DCDC2C: variants seen among roughly 807,000 people sequenced by gnomAD.
DCDC2C encodes the protein doublecortin domain-containing protein 2C.
A neutral mutation model predicts 45.0 loss-of-function variants in DCDC2C; 44 were observed. The ratio of observed to expected loss-of-function variants is 0.98; its 90% CI spans 0.77 to 1.26. The LOEUF (loss-of-function observed/expected upper bound fraction) is 1.26, where lower values mean the gene tolerates loss of function less well. Among genes scored for constraint, DCDC2C ranks in the 50% most tolerant of loss-of-function variants. The pLI, the probability that DCDC2C is intolerant of heterozygous loss-of-function variation, is 0.00. For synonymous variants in DCDC2C, 187 were observed against 178.8 expected (o/e 1.05, Z -0.37); for missense variants, 447 against 468.9 (o/e 0.95, Z 0.43).
intron 4 of DCDC2C, among the ~76,000 whole-genome samples, chr2:3,749,530 AT>A (rs1054704144): frequency 6.6e-6 from 1 of 152,158 alleles, no homozygotes; most frequent in African/African-American, 2.4e-5. Context: ...TTCCTGTCTT[AT>A]CCCACTGAGG....
At chr2:3,776,807 G>A (rs1267704657) in intron 8 of DCDC2C, among the ~76,000 whole-genome samples, 1 of 152,192 alleles carries the variant, frequency 6.6e-6, no homozygotes, top group Non-Finnish European at 1.5e-5. Flanking sequence ...TCAGCAGAGT[G>A]AGAATGCAAC....
chr2:3,772,808 G>A (rs772579679), intron 8 of DCDC2C, among the ~76,000 whole-genome samples: 2 of 152,168 alleles, frequency 1.3e-5, no homozygotes, highest in Non-Finnish European at 2.9e-5. Context: ...ACGGACACAG[G>A]GCTTTCTGCA....
In DCDC2C at chr2:3,767,768, A is replaced by G. The variant is rs1166155064; in HGVS notation, c.741A>G (p.Gly247=). Residue 247 remains glycine, a synonymous_variant, in exon 7 of 11, where the codon GGA becomes GGG. Transcript: ENST00000399143. ...SQRKKKVDSK[G]KEPCKYDGIP... is the part of the protein sequence containing the mutation. ...TTGTCCTGTAGGTGGACTCCAAAGG[A>G]AAAGAACCTTGTAAATATGATGGCA... 7 of 1,550,752 alleles carry G rather than the reference A, an allele frequency of 4.5e-6. No individual in the cohort carries two copies. The highest frequency in any genetic ancestry group is 6.1e-6 in the Non-Finnish European group (7 of 1,146,982).
At chr2:3,794,363 AAT>A (rs1670900201) in intron 10 of DCDC2C, among the ~76,000 whole-genome samples, 1 of 151,930 alleles carries the variant, frequency 6.6e-6, no homozygotes, top group Admixed American at 6.5e-5. Flanking sequence ...ATTATTTTTA[AAT>A]TTATTTATTA....
intron 1 of DCDC2C, among the ~76,000 whole-genome samples, chr2:3,704,905 C>T (rs1227589244): frequency 1.3e-5 from 2 of 152,156 alleles, no homozygotes; most frequent in Admixed American, 1.3e-4. Context: ...CCCATTATTG[C>T]AGCCTGTGTC....
At chr2:3,767,702 C>T (rs774572132) in intron 6 of DCDC2C, 52 bp from the exon 7 acceptor site, 94 of 1,544,380 alleles carry the variant, frequency 6.1e-5, no homozygotes, top group Non-Finnish European at 8.0e-5. Flanking sequence ...TGATCGGACT[C>T]CTTGTATCCC....
chr2:3,731,247 T>C (rs1321247515), intron 3 of DCDC2C, among the ~76,000 whole-genome samples: 1 of 152,182 alleles, frequency 6.6e-6, no homozygotes, highest in African/African-American at 2.4e-5. Context: ...CAGAACCCAC[T>C]TAAGACGGCT....
At chr2:3,832,166 A>G (rs1334003177) in intron 10 of DCDC2C, among the ~76,000 whole-genome samples, 4 of 152,194 alleles carry the variant, frequency 2.6e-5, no homozygotes, top group African/African-American at 9.7e-5. Flanking sequence ...CCAACACTAA[A>G]TGGTTTCAGA....
intron 4 of DCDC2C, among the ~76,000 whole-genome samples, chr2:3,751,558 C>A (rs1012774950): frequency 6.6e-6 from 1 of 152,240 alleles, no homozygotes; most frequent in Non-Finnish European, 1.5e-5. Context: ...CACACACAGG[C>A]CTTATCCAGG....
chr2:3,743,687 T>C (rs1572578237), intron 4 of DCDC2C, among the ~76,000 whole-genome samples: 1 of 152,126 alleles, frequency 6.6e-6, no homozygotes, highest in Admixed American at 6.6e-5. Flanking sequence ...AATAAAAAAA[T>C]ATCTTGAGAG....
At chr2:3,751,348 G>T (rs1669535926) in intron 4 of DCDC2C, among the ~76,000 whole-genome samples, 1 of 152,236 alleles carries the variant, frequency 6.6e-6, no homozygotes, top group African/African-American at 2.4e-5. Context: ...GCCCCAGCGG[G>T]AGGAGAACAG....
chr2:3,704,026 T>A lies in DCDC2C; in HGVS notation c.275T>A (p.Phe92Tyr), dbSNP rs1667955274. ...TACGTGGCGGCGGGCCGCGAGCGCT[T>A]CAAGGAGCTCGAGTAAGTGCGCCCG... is the stretch of plus-strand genomic sequence containing the variant. ...GKYVAAGRER[F>Y]KELDYIHIVP... The change falls in exon 1 of 11, where the codon TTC becomes TAC. Residue 92 changes from phenylalanine to tyrosine, a missense_variant. Physicochemically the swap from Phe to Tyr is conservative, Grantham distance 22 (BLOSUM62 3). Coordinates refer to ENST00000399143, the MANE Select transcript of DCDC2C (RefSeq NM_001287444.2). The A allele has an allele frequency of 7.8e-7, 1 of 1,274,040 alleles. No homozygotes were observed. The highest frequency in any genetic ancestry group is 3.2e-5 in the East Asian group (1 of 31,674). 78.9% of individuals were successfully genotyped at this position (1,274,040 alleles called of 1,614,324 possible). A position where few individuals can be genotyped will look rare whatever the true frequency, so the allele number is the denominator to read the frequency against.
intron 3 of DCDC2C, among the ~76,000 whole-genome samples, chr2:3,735,862 T>A (rs2148094579): frequency 6.6e-6 from 1 of 152,268 alleles, no homozygotes; most frequent in East Asian, 1.9e-4. Context: ...TGATATATGT[T>A]TTTTCCATTT....
intron 9 of DCDC2C, among the ~76,000 whole-genome samples, chr2:3,780,651 G>A (rs1326318639): frequency 6.6e-6 from 1 of 152,146 alleles, no homozygotes; most frequent in Non-Finnish European, 1.5e-5. Flanking sequence ...GGAGGGCTGG[G>A]GAGCAAACGA....
chr2:3,753,505 G>A (rs1227783429), intron 5 of DCDC2C, among the ~76,000 whole-genome samples: 12 of 152,140 alleles, frequency 7.9e-5, no homozygotes, highest in East Asian at 1.9e-4. Flanking sequence ...AATGCATTTC[G>A]TGTAGGACAT....
At chr2:3,769,953 G>A (rs1458338918) in intron 8 of DCDC2C, among the ~76,000 whole-genome samples, 1 of 152,178 alleles carries the variant, frequency 6.6e-6, no homozygotes, top group African/African-American at 2.4e-5. Flanking sequence ...GTGCATGGTG[G>A]ATGCTGGGAC....
chr2:3,744,822 G>A (rs376017668), intron 4 of DCDC2C, among the ~76,000 whole-genome samples: 11 of 152,188 alleles, frequency 7.2e-5, no homozygotes, highest in Admixed American at 6.5e-4. Flanking sequence ...GCAGGTGGAA[G>A]TTAGATGTTT....
At chr2:3,819,714 A>G (rs1381662006) in intron 10 of DCDC2C, among the ~76,000 whole-genome samples, 1 of 152,194 alleles carries the variant, frequency 6.6e-6, no homozygotes, top group African/African-American at 2.4e-5. Flanking sequence ...TTTATATTTG[A>G]TGAAAAAGAG....
At chr2:3,717,983 C>G (rs1477498342) in intron 2 of DCDC2C, among the ~76,000 whole-genome samples, 1 of 152,214 alleles carries the variant, frequency 6.6e-6, no homozygotes, top group Admixed American at 6.5e-5. Flanking sequence ...CTCTCCCATG[C>G]TTCCATGGCA....
Sources: allele counts gnomAD v4.1 joint callset (sites outside exome capture counted in the v4.1 genomes callset), GRCh38; gene constraint gnomAD v4.1.1; transcripts MANE v1.5; gene names NCBI Gene and HGNC (gene_info 2026-07-23, HGNC 2026-07-21).